The following CPNE4 variants were observed in gnomAD, a reference collection of about 807,000 sequenced individuals.
CPNE4 encodes copine 4.
CPNE4 carries 25 observed loss-of-function variants against 67.9 expected under a neutral mutation model. The ratio of observed to expected loss-of-function variants is 0.37; its 90% CI spans 0.27 to 0.51. The LOEUF (loss-of-function observed/expected upper bound fraction) is 0.51, where lower values mean the gene tolerates loss of function less well. Among genes scored for constraint, CPNE4 ranks in the 20% least tolerant of loss-of-function variants. CPNE4 has a pLI of 0.93. For synonymous variants in CPNE4, 242 were observed against 244.9 expected (o/e 0.99, Z 0.11); for missense variants, 464 against 690.8 (o/e 0.67, Z 3.68).
intron 1 of CPNE4, among the ~76,000 whole-genome samples, chr3:132,022,679 T>C (rs2074023472): frequency 6.6e-6 from 1 of 152,234 alleles, no homozygotes; most frequent in Non-Finnish European, 1.5e-5. Context: ...CTGCACTTTT[T>C]TGACTTGTTT....
chr3:131,827,963 C>G (rs2085228031), intron 2 of CPNE4, among the ~76,000 whole-genome samples: 1 of 152,056 alleles, frequency 6.6e-6, no homozygotes. Context: ...TATCTGAGCT[C>G]TTCACGAGGT....
At chr3:131,899,040 A>G (rs898857511) in intron 2 of CPNE4, among the ~76,000 whole-genome samples, 2 of 152,158 alleles carry the variant, frequency 1.3e-5, no homozygotes, top group African/African-American at 4.8e-5. Context: ...GTGTGAACAG[A>G]AAATCTTTTG....
At chr3:131,543,647 T>A (rs1045671851) in intron 14 of CPNE4, among the ~76,000 whole-genome samples, 6 of 152,210 alleles carry the variant, frequency 3.9e-5, no homozygotes, top group Non-Finnish European at 8.8e-5. Context: ...TTAAATAAAA[T>A]ATATAATTAA....
At chr3:131,904,265 G>C (rs2107772867) in intron 2 of CPNE4, among the ~76,000 whole-genome samples, 1 of 152,178 alleles carries the variant, frequency 6.6e-6, no homozygotes, top group East Asian at 1.9e-4. Flanking sequence ...TAGGCCCCCA[G>C]CCCGTTCCTC....
At chr3:132,024,020 T>C (rs970765242) in intron 1 of CPNE4, among the ~76,000 whole-genome samples, 1 of 152,024 alleles carries the variant, frequency 6.6e-6, no homozygotes, top group Non-Finnish European at 1.5e-5. Flanking sequence ...TTTTAATTTA[T>C]AATACAGTAA....
chr3:131,929,500 C>A (rs904439350), intron 1 of CPNE4, among the ~76,000 whole-genome samples: 11 of 152,060 alleles, frequency 7.2e-5, no homozygotes, highest in African/African-American at 2.4e-4. Flanking sequence ...TTGGGAAATA[C>A]ATAAAAAATC....
chr3:131,678,976 T>G (rs1398829374), intron 6 of CPNE4, among the ~76,000 whole-genome samples: 1 of 152,192 alleles, frequency 6.6e-6, no homozygotes, highest in East Asian at 1.9e-4. Context: ...TCCCTCCAAT[T>G]TTTTGAAATA....
chr3:131,823,347 G>T (rs1291137049), intron 2 of CPNE4, among the ~76,000 whole-genome samples: 1 of 152,110 alleles, frequency 6.6e-6, no homozygotes. Context: ...ATTGCCCAAG[G>T]TCCCCTGTAT....
intron 2 of CPNE4, among the ~76,000 whole-genome samples, chr3:131,801,448 G>GTATATATA (rs1468625662): frequency 2.5e-3 from 147 of 59,812 alleles, no homozygotes; most frequent in African/African-American, 0.01. Flanking sequence ...GTGTGTGTGT[G>GTATATATA]TGTGTATATA....
At position 131,656,767 on chromosome 3, in the gene CPNE4, G is replaced by A. The variant is rs571769696; in HGVS notation, c.681+12908C>T. ...CACAGATGGTGGTAAGTGCCATGAA[G>A]GAGATGGTGATTAGATGAAGAGTAA... On this transcript the variant is annotated intron_variant, in intron 7 of 15. Coordinates refer to ENST00000429747, the MANE Select transcript of CPNE4 (RefSeq NM_130808.3). Among the ~76,000 whole-genome samples the A allele has an allele frequency of 1.2e-4, 18 of 152,298 alleles. No homozygotes were observed. In the South Asian group the frequency reaches 3.7e-3, roughly 32 times the overall value.
At chr3:131,882,474 G>T (rs2087714728) in intron 2 of CPNE4, among the ~76,000 whole-genome samples, 1 of 152,080 alleles carries the variant, frequency 6.6e-6, no homozygotes, top group Admixed American at 6.6e-5. Context: ...TAACACATTG[G>T]TATGATCGTT....
chr3:131,831,754 T>C (rs1461899408), intron 2 of CPNE4, among the ~76,000 whole-genome samples: 2 of 152,178 alleles, frequency 1.3e-5, no homozygotes, highest in African/African-American at 4.8e-5. Flanking sequence ...CTTGTGTCAC[T>C]AGTGTCCGAG....
At chr3:132,004,771 G>T (rs1414623110) in intron 1 of CPNE4, among the ~76,000 whole-genome samples, 1 of 152,096 alleles carries the variant, frequency 6.6e-6, no homozygotes, top group Non-Finnish European at 1.5e-5. Context: ...CTATGGTTAA[G>T]CATTTGGAAA....
At chr3:131,746,183 C>T (rs545011173) in intron 2 of CPNE4, among the ~76,000 whole-genome samples, 55 of 152,144 alleles carry the variant, frequency 3.6e-4, no homozygotes, top group Non-Finnish European at 7.1e-4. Flanking sequence ...TGGGGTACAA[C>T]GTGATGTTTA....
intron 10 of CPNE4, among the ~76,000 whole-genome samples, chr3:131,571,342 G>A (rs779863701): frequency 6.6e-6 from 1 of 151,636 alleles, no homozygotes; most frequent in Non-Finnish European, 1.5e-5. Flanking sequence ...TTTTTCTCTT[G>A]GGACATCTCA....
chr3:131,909,708 A>T (rs945482951), intron 1 of CPNE4, among the ~76,000 whole-genome samples: 1 of 152,210 alleles, frequency 6.6e-6, no homozygotes, highest in Non-Finnish European at 1.5e-5. Flanking sequence ...GCAATCTTAT[A>T]CATGTGTCAA....
chr3:131,896,146 C>A (rs10804603), intron 2 of CPNE4, among the ~76,000 whole-genome samples: 53,715 of 151,712 alleles, frequency 0.35, 10,674 homozygotes, highest in African/African-American at 0.53. Flanking sequence ...AAATTCATAT[C>A]CAATAATGGA....
At chr3:131,931,566 G>GCACAACTTTCCTTGGTCCACAGAAGT (rs2071060738) in intron 1 of CPNE4, among the ~76,000 whole-genome samples, 1 of 151,948 alleles carries the variant, frequency 6.6e-6, no homozygotes, top group Non-Finnish European at 1.5e-5. Context: ...TTACCTAATT[G>GCACAACTTTCCTTGGTCCACAGAAGT]CAATTATGAT....
At chr3:131,579,375 G>A (rs1340273525) in intron 9 of CPNE4, among the ~76,000 whole-genome samples, 1 of 152,170 alleles carries the variant, frequency 6.6e-6, no homozygotes, top group African/African-American at 2.4e-5. Flanking sequence ...AGATGTGCAA[G>A]GGGTTTTATC....
Sources: allele counts gnomAD v4.1 joint callset (sites outside exome capture counted in the v4.1 genomes callset), GRCh38; gene constraint gnomAD v4.1.1; transcripts MANE v1.5; gene names NCBI Gene and HGNC (gene_info 2026-07-23, HGNC 2026-07-21).